LDLRAD4: variants seen among roughly 807,000 people sequenced by gnomAD.
LDLRAD4 encodes low density lipoprotein receptor class A domain containing 4.
In LDLRAD4, 5 loss-of-function variants were observed where a neutral mutation model predicts 17.0. The observed-to-expected ratio is 0.29, with a 90% CI of 0.15 to 0.62. The LOEUF is 0.62. Ranked by LOEUF, LDLRAD4 falls within the 20% of genes least tolerant of loss-of-function variation. LDLRAD4 has a pLI of 0.84. For missense variants in LDLRAD4, 340 were observed against 424.7 expected (o/e 0.80, Z 1.75); for synonymous variants, 168 against 171.8 (o/e 0.98, Z 0.17).
chr18:13,339,394 G>C (rs916928673), intron 1 of LDLRAD4, among the ~76,000 whole-genome samples: 8 of 151,874 alleles, frequency 5.3e-5, no homozygotes, highest in African/African-American at 1.7e-4. Flanking sequence ...GTAGAGACAG[G>C]GTTTCACCAT....
At chr18:13,385,619 AC>A (rs1207591968) in intron 1 of LDLRAD4, among the ~76,000 whole-genome samples, 1 of 152,216 alleles carries the variant, frequency 6.6e-6, no homozygotes, top group African/African-American at 2.4e-5. Flanking sequence ...ATATTTGCAC[AC>A]CAAAAGCATC....
chr18:13,497,708 G>C (rs1055398853), intron 3 of LDLRAD4, among the ~76,000 whole-genome samples: 3 of 152,234 alleles, frequency 2.0e-5, no homozygotes, highest in African/African-American at 7.2e-5. Flanking sequence ...TCTTTTATGT[G>C]AGGAAAGCCC....
At chr18:13,584,592 GA>G (rs1429725245) in intron 3 of LDLRAD4, among the ~76,000 whole-genome samples, 1 of 152,212 alleles carries the variant, frequency 6.6e-6, no homozygotes, top group African/African-American at 2.4e-5. Context: ...TGGCTCGGTG[GA>G]GGGATGGCTA....
At chr18:13,293,908 G>GA (rs1316548042) in intron 1 of LDLRAD4, among the ~76,000 whole-genome samples, 1 of 152,162 alleles carries the variant, frequency 6.6e-6, no homozygotes, top group Non-Finnish European at 1.5e-5. Context: ...CAACCTTAGG[G>GA]ATCACATAGG....
At chr18:13,321,861 CAAAAAA>C (rs57033432) in intron 1 of LDLRAD4, among the ~76,000 whole-genome samples, 1 of 62,138 alleles carries the variant, frequency 1.6e-5, no homozygotes, top group Non-Finnish European at 2.8e-5. Context: ...GACTCCGTCT[CAAAAAA>C]AAAAAAAAAA....
Position 13,575,724 on chromosome 18 carries a change from C to T in LDLRAD4, c.182-45393C>T, listed in dbSNP as rs573453115. Among the ~76,000 whole-genome samples the T allele has an allele frequency of 9.8e-5, 15 of 152,338 alleles. No individual in the cohort carries two copies. In the South Asian group the frequency reaches 1.0e-3, roughly 11 times the overall value. On this transcript the variant is annotated intron_variant, in intron 3 of 5. Coordinates refer to ENST00000359446, the Ensembl canonical transcript of LDLRAD4. ...ACGTGTTCCTTTTTCACCGCATCCA[C>T]GCCAACATCTGTTATTTTTTGATTT...
chr18:13,576,875 G>C (rs1380738405), intron 3 of LDLRAD4, among the ~76,000 whole-genome samples: 1 of 152,264 alleles, frequency 6.6e-6, no homozygotes, highest in African/African-American at 2.4e-5. Context: ...TCCGCTCAGA[G>C]AAACTGCCAG....
At chr18:13,272,664 G>A (rs934368387) in intron 1 of LDLRAD4, among the ~76,000 whole-genome samples, 5 of 152,230 alleles carry the variant, frequency 3.3e-5, no homozygotes, top group African/African-American at 7.2e-5. Context: ...GGACACAGGC[G>A]GTCATGCTTT....
chr18:13,608,351 G>C (rs943566414), intron 3 of LDLRAD4, among the ~76,000 whole-genome samples: 1 of 151,670 alleles, frequency 6.6e-6, no homozygotes, highest in Non-Finnish European at 1.5e-5. Flanking sequence ...GCAACTGGAG[G>C]GGGAGGCAGC....
At chr18:13,611,568 A>T in intron 3 of LDLRAD4, 1 of 985,430 alleles carries the variant, frequency 1.0e-6, no homozygotes, top group Non-Finnish European at 1.2e-6. Context: ...AAAATGAACC[A>T]GGAGAAAGCG....
chr18:13,234,160 G>A (rs2042220960), intron 1 of LDLRAD4, among the ~76,000 whole-genome samples: 1 of 152,174 alleles, frequency 6.6e-6, no homozygotes, highest in African/African-American at 2.4e-5. Context: ...CCCCACCCGC[G>A]ATGGTCTGGT....
chr18:13,649,359 C>T (rs750884409), exon 6 of LDLRAD4: 1 of 152,262 alleles, frequency 6.6e-6, no homozygotes, highest in African/African-American at 2.4e-5. Context: ...AAATCCCTGC[C>T]TTCCTCTCTG....
intron 1 of LDLRAD4, among the ~76,000 whole-genome samples, chr18:13,377,024 G>A (rs749410031): frequency 1.2e-4 from 19 of 152,270 alleles, no homozygotes; most frequent in South Asian, 8.3e-4. Context: ...ATCCTGCCTC[G>A]CCTGGCCTTG....
chr18:13,537,433 G>C (rs2094215687), intron 3 of LDLRAD4, among the ~76,000 whole-genome samples: 1 of 152,172 alleles, frequency 6.6e-6, no homozygotes, highest in South Asian at 2.1e-4. Flanking sequence ...TCAGGCATTA[G>C]TTAGATTCTC....
At chr18:13,485,182 G>A (rs2093190221) in intron 3 of LDLRAD4, among the ~76,000 whole-genome samples, 1 of 152,234 alleles carries the variant, frequency 6.6e-6, no homozygotes, top group Admixed American at 6.5e-5. Context: ...TCGTGGGGAG[G>A]ACCTGCTTTG....
At chr18:13,342,497 T>TTTTTTTGAGA (rs2082429711) in intron 1 of LDLRAD4, among the ~76,000 whole-genome samples, 1 of 147,618 alleles carries the variant, frequency 6.8e-6, no homozygotes, top group Non-Finnish European at 1.5e-5. Flanking sequence ...TTTTTTTTTT[T>TTTTTTTGAGA]TTTTTGAGAT....
intron 2 of LDLRAD4, among the ~76,000 whole-genome samples, chr18:13,412,792 G>C (rs369592212): frequency 2.6e-5 from 4 of 152,166 alleles, no homozygotes; most frequent in African/African-American, 9.7e-5. Context: ...GCCAGTAGGC[G>C]CTCCGTAAGT....
chr18:13,314,897 ATTG>A (rs951260569), intron 1 of LDLRAD4, among the ~76,000 whole-genome samples: 8 of 152,072 alleles, frequency 5.3e-5, no homozygotes, highest in Non-Finnish European at 8.8e-5. Context: ...TATTATTATT[ATTG>A]TTGTTGTTGT....
chr18:13,535,304 G>A (rs941796091), intron 3 of LDLRAD4, among the ~76,000 whole-genome samples: 2 of 152,184 alleles, frequency 1.3e-5, no homozygotes, highest in Non-Finnish European at 2.9e-5. Context: ...TGGGGGTTCT[G>A]ATTGAGCCAC....
Sources: allele counts gnomAD v4.1 joint callset (sites outside exome capture counted in the v4.1 genomes callset), GRCh38; gene constraint gnomAD v4.1.1; transcripts MANE v1.5; gene names NCBI Gene and HGNC (gene_info 2026-07-23, HGNC 2026-07-21).